ASTN2: variants seen among roughly 807,000 people sequenced by gnomAD.
ASTN2 encodes astrotactin 2, also known as astrotactin-2.
In ASTN2, 54 loss-of-function variants were observed where a neutral mutation model predicts 139.8. That is an observed-to-expected ratio of 0.39 (90% CI 0.31 to 0.48). The LOEUF (loss-of-function observed/expected upper bound fraction) is 0.48, where lower values mean the gene tolerates loss of function less well. Ranked by LOEUF, ASTN2 falls within the 20% of genes least tolerant of loss-of-function variation. The probability of loss-of-function intolerance (pLI) is 0.95; values close to 1 mark genes in which losing one functional copy is unlikely to be tolerated. For synonymous variants in ASTN2, 756 were observed against 719.5 expected (o/e 1.05, Z -0.81); for missense variants, 1,565 against 1,725.1 (o/e 0.91, Z 1.64).
rs117779633 is a variant in ASTN2, at chr9:116,676,018, G to T, written c.2807-24225C>A. Among the ~76,000 whole-genome samples the T allele has an allele frequency of 4.6e-5, 7 of 152,190 alleles. No individual in the cohort carries two copies. In the East Asian group the frequency reaches 1.4e-3, roughly 29 times the overall value. On this transcript the variant is annotated intron_variant, in intron 16 of 22. Transcript: ENST00000313400. Reference sequence around the variant, plus strand: ...ATTCAGTTCCCTAAGCAGCATATTGGGCAGCATTTGCAAATTAAGAATCTT... The same window carrying T: ...ATTCAGTTCCCTAAGCAGCATATTGTGCAGCATTTGCAAATTAAGAATCTT...
chr9:116,563,362 G>A (rs534900819), intron 19 of ASTN2, among the ~76,000 whole-genome samples: 4 of 150,734 alleles, frequency 2.7e-5, no homozygotes, highest in East Asian at 3.9e-4. Context: ...GTGATAGAGC[G>A]AGACTCTGTC....
intron 1 of ASTN2, among the ~76,000 whole-genome samples, chr9:117,331,150 G>A (rs1828693732): frequency 6.6e-6 from 1 of 152,200 alleles, no homozygotes; most frequent in Admixed American, 6.5e-5. Context: ...CCCAATCACA[G>A]AAGTCATATG....
intron 5 of ASTN2, among the ~76,000 whole-genome samples, chr9:117,059,250 T>C (rs1467573412): frequency 6.6e-6 from 1 of 152,196 alleles, no homozygotes; most frequent in Non-Finnish European, 1.5e-5. Context: ...TTGACATCTG[T>C]ATCCAAACTT....
intron 19 of ASTN2, among the ~76,000 whole-genome samples, chr9:116,541,387 T>C (rs1851870902): frequency 6.6e-6 from 1 of 152,188 alleles, no homozygotes; most frequent in South Asian, 2.1e-4. Context: ...GGGTCTATAA[T>C]CTTATGAGCC....
intron 16 of ASTN2, among the ~76,000 whole-genome samples, chr9:116,712,836 T>C (rs1002207555): frequency 1.3e-5 from 2 of 152,214 alleles, no homozygotes; most frequent in Non-Finnish European, 2.9e-5. Flanking sequence ...TCAATAAAGC[T>C]GTTACGAACG....
chr9:117,414,382 C>T lies in ASTN2; in HGVS notation c.442+115G>A. The T allele has an allele frequency of 2.7e-6, 4 of 1,494,768 alleles. No homozygotes were observed. The highest frequency in any genetic ancestry group is 2.1e-5 in the Admixed American group (1 of 47,558). The allele number at this position is 1,494,768 out of a possible 1,614,324, so 92.6% of individuals were successfully genotyped here. On this transcript the variant is annotated intron_variant, in intron 1 of 22. Coordinates refer to ENST00000313400, the MANE Select transcript of ASTN2 (RefSeq NM_001365068.1). The surrounding 1 kb of genome is among the most constrained non-coding windows in gnomAD (Gnocchi z 4.2). ...TCTGGGCCCCTCCTCTACCCTCTGC[C>T]AACCCCACTCGGGGCAGCCCCGGGC...
chr9:117,057,385 T>C (rs1224949201), intron 5 of ASTN2, among the ~76,000 whole-genome samples: 1 of 152,132 alleles, frequency 6.6e-6, no homozygotes, highest in African/African-American at 2.4e-5. Flanking sequence ...GACAGGGTAG[T>C]GGTGGTTCCC....
At chr9:116,836,037 T>A (rs1381374805) in intron 11 of ASTN2, among the ~76,000 whole-genome samples, 1 of 152,160 alleles carries the variant, frequency 6.6e-6, no homozygotes, top group African/African-American at 2.4e-5. Flanking sequence ...GACAAGGGAA[T>A]GAAGAAGTCC....
chr9:116,968,255 A>T (rs975653273), intron 10 of ASTN2, among the ~76,000 whole-genome samples: 1 of 152,146 alleles, frequency 6.6e-6, no homozygotes, highest in Non-Finnish European at 1.5e-5. Flanking sequence ...TGTTCATTAC[A>T]CAGTGAAGTA....
At chr9:117,209,152 C>T (rs1313392540) in intron 3 of ASTN2, among the ~76,000 whole-genome samples, 2 of 152,056 alleles carry the variant, frequency 1.3e-5, no homozygotes, top group African/African-American at 2.4e-5. Flanking sequence ...ACAAAGAATA[C>T]ACAAAACAAC....
rs139068257 is a variant in ASTN2, at chr9:117,091,122, G to T, written c.1276+4922C>A. Reference sequence around the variant, plus strand: ...CCCCAGCTCTGCTTACCAGGAGCAGGAAAAAGAAGGGAAGAGGAGAGCAGG... The same window carrying T: ...CCCCAGCTCTGCTTACCAGGAGCAGTAAAAAGAAGGGAAGAGGAGAGCAGG... On this transcript the variant is annotated intron_variant, in intron 5 of 22. Coordinates refer to ENST00000313400, the MANE Select transcript of ASTN2 (RefSeq NM_001365068.1). 2.9e-3 allele frequency among the ~76,000 whole-genome samples: 437 copies of T among 152,278 alleles called. 2 individuals are homozygous for T. Among genetic ancestry groups the T allele is most frequent in the African/African-American group, 0.01 (421 of 41,578 alleles).
intron 5 of ASTN2, among the ~76,000 whole-genome samples, chr9:117,086,984 G>A (rs145527688): frequency 3.3e-5 from 5 of 152,178 alleles, no homozygotes; most frequent in Non-Finnish European, 1.5e-5. Context: ...TGCTTGATCT[G>A]TCTTCAGTGT....
intron 2 of ASTN2, among the ~76,000 whole-genome samples, chr9:117,223,252 A>C (rs1321387475): frequency 6.6e-6 from 1 of 152,108 alleles, no homozygotes; most frequent in East Asian, 1.9e-4. Context: ...GCCCCCCAAG[A>C]GGCATTTGGT....
At chr9:117,265,141 A>T (rs765669475) in intron 2 of ASTN2, among the ~76,000 whole-genome samples, 1 of 152,188 alleles carries the variant, frequency 6.6e-6, no homozygotes. Flanking sequence ...AGAAGATAGG[A>T]ATTTGACTGT....
At chr9:117,301,334 A>G (rs1262586093) in intron 1 of ASTN2, among the ~76,000 whole-genome samples, 1 of 152,116 alleles carries the variant, frequency 6.6e-6, no homozygotes, top group Non-Finnish European at 1.5e-5. Flanking sequence ...CAACATTGCA[A>G]ACTGATGCAG....
chr9:116,657,914 G>A (rs1250097793), intron 16 of ASTN2, among the ~76,000 whole-genome samples: 2 of 145,484 alleles, frequency 1.4e-5, no homozygotes, highest in African/African-American at 5.0e-5. Context: ...TTGAGATGGA[G>A]TCTTGCTGTA....
intron 7 of ASTN2, among the ~76,000 whole-genome samples, chr9:116,977,620 C>T (rs1471633605): frequency 2.6e-5 from 4 of 152,074 alleles, no homozygotes; most frequent in Non-Finnish European, 5.9e-5. Flanking sequence ...CTTCAGAGTC[C>T]AGAATCCTAG....
intron 10 of ASTN2, among the ~76,000 whole-genome samples, chr9:116,920,298 T>C (rs1432434991): frequency 6.6e-6 from 1 of 152,202 alleles, no homozygotes; most frequent in Non-Finnish European, 1.5e-5. Flanking sequence ...TTGCTCTACA[T>C]AGAGGCCCTA....
intron 16 of ASTN2, among the ~76,000 whole-genome samples, chr9:116,693,443 A>C (rs1436313642): frequency 2.0e-5 from 3 of 152,334 alleles, no homozygotes; most frequent in Non-Finnish European, 4.4e-5. Context: ...TATGGAATAT[A>C]ATTATGTAAT....
Sources: allele counts gnomAD v4.1 joint callset (sites outside exome capture counted in the v4.1 genomes callset), GRCh38; gene constraint gnomAD v4.1.1; non-coding constraint Gnocchi (gnomAD v3.1); transcripts MANE v1.5; gene names NCBI Gene and HGNC (gene_info 2026-07-23, HGNC 2026-07-21).